Variants in BICDL1 observed in about 807,000 individuals in gnomAD.
BICDL1 encodes BICD family like cargo adaptor 1.
BICDL1 carries 20 observed loss-of-function variants against 76.8 expected under a neutral mutation model. The ratio of observed to expected loss-of-function variants is 0.26; its 90% CI spans 0.18 to 0.38. BICDL1 has a LOEUF of 0.38. BICDL1 is among the 10% of genes least tolerant of loss of function. The probability of loss-of-function intolerance (pLI) is 1.00; values close to 1 mark genes in which losing one functional copy is unlikely to be tolerated. For synonymous variants in BICDL1, 383 were observed against 337.1 expected (o/e 1.14, Z -1.49); for missense variants, 700 against 798.6 (o/e 0.88, Z 1.49).
rs1456372870 is a variant in BICDL1 at position 120,064,888 on chromosome 12, G to A, written c.909+9G>A. 6.3e-7 allele frequency: 1 copy of A among 1,597,774 alleles called. No homozygotes were observed. Among genetic ancestry groups the A allele is most frequent in the African/African-American group, 1.4e-5 (1 of 73,650 alleles). On this transcript the variant is annotated intron_variant, in intron 4 of 9. Coordinates refer to ENST00000548673, the MANE Select transcript of BICDL1 (RefSeq NM_001367886.1). ...ATGACAAGGACCTACAGGTACTGGG[G>A]TAGAGAAGCTGTCCTGCAGGACTAG... is the stretch of plus-strand genomic sequence containing the variant.
chr12:120,003,521 C>T (rs1951798960), intron 2 of BICDL1, among the ~76,000 whole-genome samples: 1 of 152,188 alleles, frequency 6.6e-6, no homozygotes, highest in South Asian at 2.1e-4. Context: ...TCTTACACTG[C>T]GTGTATGCTG....
Position 120,094,418 on chromosome 12 carries a change from G to A in BICDL1, c.*1257G>A. The A allele has an allele frequency of 2.9e-6, 1 of 342,254 alleles. No homozygotes were observed. The highest frequency in any genetic ancestry group is 6.0e-6 in the Non-Finnish European group (1 of 167,262). The allele number at this position is 342,254 out of a possible 1,614,324, so 21.2% of individuals were successfully genotyped here. ...TATACATATATAAAAATCTATAAAG[G>A]CATATTTTTAGAAAAACAGCACACC... is the stretch of plus-strand genomic sequence containing the variant. On this transcript the variant is annotated 3_prime_UTR_variant, in exon 10 of 10. Coordinates refer to ENST00000548673, the MANE Select transcript of BICDL1 (RefSeq NM_001367886.1).
At chr12:120,072,942 C>T (rs1203963417) in intron 6 of BICDL1, among the ~76,000 whole-genome samples, 2 of 152,220 alleles carry the variant, frequency 1.3e-5, no homozygotes, top group Non-Finnish European at 2.9e-5. Context: ...ACAATCTCGG[C>T]TCACTGCAAC....
intron 8 of BICDL1, among the ~76,000 whole-genome samples, chr12:120,085,397 C>T (rs1256272564): frequency 2.0e-5 from 3 of 151,942 alleles, no homozygotes; most frequent in African/African-American, 7.3e-5. Flanking sequence ...GAGTGAGGCC[C>T]TATCTCAAAA....
intron 2 of BICDL1, among the ~76,000 whole-genome samples, chr12:120,040,706 A>G (rs905519916): frequency 2.7e-5 from 4 of 149,980 alleles, no homozygotes; most frequent in African/African-American, 9.9e-5. Context: ...GTGAACCATC[A>G]CACCTGGCCC....
chr12:119,991,416 T>G (rs989498451), intron 1 of BICDL1, among the ~76,000 whole-genome samples: 3 of 152,008 alleles, frequency 2.0e-5, no homozygotes, highest in African/African-American at 7.3e-5. Flanking sequence ...TAAAAGTAAA[T>G]CCGGGAGAAA....
chr12:120,012,065 G>T (rs1951964768), intron 2 of BICDL1, among the ~76,000 whole-genome samples: 1 of 152,138 alleles, frequency 6.6e-6, no homozygotes, highest in Admixed American at 6.6e-5. Context: ...ATCATGTCTG[G>T]TAACTTTGTA....
intron 8 of BICDL1, 99 bp downstream of exon 8, chr12:120,081,116 A>C: frequency 7.7e-7 from 1 of 1,290,358 alleles, no homozygotes; most frequent in Non-Finnish European, 1.1e-6. Flanking sequence ...AAAAGAATAC[A>C]AAGGTAAAAG....
intron 2 of BICDL1, among the ~76,000 whole-genome samples, chr12:120,019,817 A>G (rs1952143145): frequency 6.6e-6 from 1 of 152,162 alleles, no homozygotes; most frequent in Non-Finnish European, 1.5e-5. Context: ...AAGTCATGCA[A>G]TATCATACAA....
At chr12:120,075,458 G>A (rs1274804961) in intron 7 of BICDL1, among the ~76,000 whole-genome samples, 1 of 151,310 alleles carries the variant, frequency 6.6e-6, no homozygotes, top group Non-Finnish European at 1.5e-5. Context: ...TAGTGGCGCA[G>A]TCACAGCTCA....
intron 2 of BICDL1, among the ~76,000 whole-genome samples, chr12:120,001,287 C>T (rs1951753794): frequency 6.6e-6 from 1 of 152,042 alleles, no homozygotes; most frequent in South Asian, 2.1e-4. Context: ...TGCTTTGTCG[C>T]CCAGGCTGGA....
At chr12:120,026,319 A>G (rs1952300845) in intron 2 of BICDL1, among the ~76,000 whole-genome samples, 1 of 152,190 alleles carries the variant, frequency 6.6e-6, no homozygotes, top group Admixed American at 6.6e-5. Context: ...AAGCAAATGG[A>G]GGAAAATGTT....
chr12:120,025,995 G>C (rs550082023), intron 2 of BICDL1, among the ~76,000 whole-genome samples: 215 of 151,956 alleles, frequency 1.4e-3, no homozygotes, highest in Non-Finnish European at 2.1e-3. Context: ...ACACCAGTAC[G>C]CCCAGCTAAT....
At chr12:120,038,074 G>A (rs1264103016) in intron 2 of BICDL1, among the ~76,000 whole-genome samples, 2 of 152,222 alleles carry the variant, frequency 1.3e-5, no homozygotes, top group East Asian at 3.8e-4. Flanking sequence ...ACAGAGGCCA[G>A]ATTCTTCATG....
At chr12:120,065,998 A>G (rs1356865963) in intron 4 of BICDL1, among the ~76,000 whole-genome samples, 2 of 152,220 alleles carry the variant, frequency 1.3e-5, no homozygotes, top group African/African-American at 4.8e-5. Context: ...TTGAGTAGAA[A>G]ATGGTGCTGG....
At chr12:120,019,370 T>G (rs1225495506) in intron 2 of BICDL1, 1 of 152,232 alleles carries the variant, frequency 6.6e-6, no homozygotes, top group East Asian at 1.9e-4. Context: ...TCATCTGGTG[T>G]CTCATCACCT....
chr12:120,093,039 AC>A lies in BICDL1; in HGVS notation c.1745del (p.Thr582SerfsTer3), dbSNP rs1331385020. 1 of 1,593,862 alleles carries A rather than the reference AC, an allele frequency of 6.3e-7. No individual in the cohort carries two copies. The highest frequency in any genetic ancestry group is 8.6e-7 in the Non-Finnish European group (1 of 1,168,732). On this transcript the variant is annotated frameshift_variant, in exon 10 of 10. Transcript: ENST00000548673. LOFTEE classifies it high-confidence loss of function. ...GGTCATTGACCGGCAGCTGATGGAC[AC>A]GCACCTGAAAGAACGGAGCCAGCCG... ...HRVIDRQLMD[T>X]HLKERSQPAA...
At chr12:120,075,152 A>G (rs928804142) in intron 7 of BICDL1, among the ~76,000 whole-genome samples, 4 of 152,160 alleles carry the variant, frequency 2.6e-5, no homozygotes, top group African/African-American at 9.7e-5. Context: ...CCCAAAAAGG[A>G]GCTTCTAAAA....
intron 2 of BICDL1, among the ~76,000 whole-genome samples, chr12:120,033,067 CATATA>C (rs1332461254): frequency 1.3e-5 from 2 of 151,946 alleles, no homozygotes; most frequent in African/African-American, 4.8e-5. Context: ...AAGCCAAAAT[CATATA>C]ATATGCTGCA....
Sources: allele counts gnomAD v4.1 joint callset (sites outside exome capture counted in the v4.1 genomes callset), GRCh38; gene constraint gnomAD v4.1.1; transcripts MANE v1.5; gene names NCBI Gene and HGNC (gene_info 2026-07-23, HGNC 2026-07-21).